ZBTB11: variants seen among roughly 807,000 people sequenced by gnomAD.
ZBTB11 encodes zinc finger and BTB domain containing 11, also known as zinc finger and BTB domain-containing protein 11.
Under a neutral mutation model 113.1 loss-of-function variants are expected in ZBTB11, and 68 were observed. The observed-to-expected ratio is 0.60, with a 90% CI of 0.49 to 0.74. The LOEUF is 0.74. Ranked by LOEUF, ZBTB11 falls within the 30% of genes least tolerant of loss-of-function variation. The pLI is 0.00. For missense variants in ZBTB11, 1,104 were observed against 1,279.4 expected, an observed-to-expected ratio of 0.86 and a Z score of 2.09; for synonymous variants, 518 against 452.6, an observed-to-expected ratio of 1.14 and a Z score of -1.83.
At chr3:101,668,073 G>A (rs1299318828) in intron 3 of ZBTB11, among the ~76,000 whole-genome samples, 5 of 151,690 alleles carry the variant, frequency 3.3e-5, no homozygotes, top group Non-Finnish European at 4.4e-5. Flanking sequence ...TAAACCTGGA[G>A]GACATCATGC....
chr3:101,668,111 T>A (rs973872087), intron 3 of ZBTB11, among the ~76,000 whole-genome samples: 1 of 148,782 alleles, frequency 6.7e-6, no homozygotes, highest in African/African-American at 2.5e-5. Flanking sequence ...GAAAGATAAA[T>A]ACCAAATGTC....
rs867803612 is a variant in ZBTB11, at chr3:101,676,668, C to G, written c.247G>C (p.Gly83Arg). Residue 83 changes from glycine (G) to arginine (R), a missense_variant, in exon 1 of 11, where the codon GGC becomes CGC. Physicochemically the swap from Gly to Arg is moderately radical, Grantham distance 125. Coordinates refer to ENST00000312938, the MANE Select transcript of ZBTB11 (RefSeq NM_014415.4). ...DLIEAAHLGP[G>R]GTHHTRHQTW... ...TGATGCCGGGTGTGGTGAGTGCCGC[C>G]GGGACCCAGGTGCGCCGCCTCGATG... is the stretch of plus-strand genomic sequence containing the variant. 1 of 1,590,170 alleles carries G rather than the reference C, an allele frequency of 6.3e-7. No individual in the cohort carries two copies. The highest frequency in any genetic ancestry group is 1.3e-5 in the African/African-American group (1 of 74,370).
intron 6 of ZBTB11, among the ~76,000 whole-genome samples, chr3:101,659,001 G>A (rs905047901): frequency 2.6e-5 from 4 of 152,198 alleles, no homozygotes; most frequent in African/African-American, 9.6e-5. Context: ...TACTTTGGGA[G>A]CCTGACGTAG....
At chr3:101,656,877 T>A (rs574370238) in intron 6 of ZBTB11, among the ~76,000 whole-genome samples, 1 of 152,124 alleles carries the variant, frequency 6.6e-6, no homozygotes, top group East Asian at 1.9e-4. Context: ...TTCATGCTGG[T>A]AATCCCAGCA....
At position 101,676,754 on chromosome 3, in the gene ZBTB11, C is replaced by T. The variant is rs1364270379; in HGVS notation, c.161G>A (p.Arg54Gln). 1.2e-6 allele frequency: 2 copies of T among 1,607,166 alleles called. No homozygotes were observed. The highest frequency in any genetic ancestry group is 1.3e-5 in the African/African-American group (1 of 74,936). The change falls in exon 1 of 11, where the codon CGG (arginine) becomes CAG (glutamine). Residue 54 changes from arginine (R) to glutamine (Q), a missense_variant. Arg to Gln is a conservative substitution (Grantham distance 43, BLOSUM62 1). Transcript: ENST00000312938. Reference protein sequence around the residue: ...GGTLYYQRRQRHRKTFAELEV... With the variant: ...GGTLYYQRRQQHRKTFAELEV... ...CAGCTCCGCGAAGGTCTTGCGGTGC[C>T]GCTGCCGCCGCTGGTAATACAGAGT...
intron 6 of ZBTB11, among the ~76,000 whole-genome samples, 162 bp downstream of exon 6, chr3:101,659,621 C>T (rs2108319044): frequency 6.6e-6 from 1 of 152,282 alleles, no homozygotes; most frequent in South Asian, 2.1e-4. Context: ...TTAAAAAACA[C>T]CATAGGGAAT....
rs1303821157 is a variant in ZBTB11, at chr3:101,652,863, C to G, written c.2385G>C (p.Gln795His). The change falls in exon 9 of 11, where the codon CAG (glutamine) becomes CAC (histidine). Residue 795 changes from glutamine to histidine, a missense_variant. Gln to His is a conservative substitution (Grantham distance 24). Around this residue, in one of 5 missense-constraint regions of ZBTB11, gnomAD observed 148 missense variants for 259.3 expected, o/e 0.57. Coordinates refer to ENST00000312938, the MANE Select transcript of ZBTB11 (RefSeq NM_014415.4). ...MNKHLGVKPF[Q>H]CQFCDKCYSW... Reference sequence around the variant, plus strand: ...TATAGCACTTATCACAAAATTGGCACTGGAATGGCTTCACACCAAGATGTT... The same window carrying G: ...TATAGCACTTATCACAAAATTGGCAGTGGAATGGCTTCACACCAAGATGTT... The G allele has an allele frequency of 6.2e-7, 1 of 1,614,096 alleles. No individual in the cohort carries two copies. The highest frequency in any genetic ancestry group is 1.3e-5 in the African/African-American group (1 of 75,042).
intron 5 of ZBTB11, among the ~76,000 whole-genome samples, chr3:101,660,267 G>A (rs192091493): frequency 2.0e-3 from 304 of 152,280 alleles, no homozygotes; most frequent in African/African-American, 7.1e-3. Flanking sequence ...CTTGAAATGG[G>A]TCTTTCAGGA....
chr3:101,664,638 G>A lies in ZBTB11; in HGVS notation c.1700C>T (p.Ala567Val), dbSNP rs1372488154. The A allele has an allele frequency of 1.9e-6, 3 of 1,613,714 alleles. No homozygotes were observed. The highest frequency in any genetic ancestry group is 1.1e-5 in the South Asian group (1 of 91,026). Residue 567 changes from alanine to valine, a missense_variant, in exon 5 of 11, where the codon GCA (alanine) becomes GTA (valine). Transcript: ENST00000312938. ...TCCACATTCCCCACATTTATGAGAT[G>A]CTTCTTCTGTGTTCTCTTTAGCATC... is the stretch of plus-strand genomic sequence containing the variant. ...KRDAKENTEE[A>V]SHKCGECGMV...
In ZBTB11 at chr3:101,648,933, AAATGCAGGGGATT is replaced by A. The variant is rs1258746847; in HGVS notation, c.*2220_*2232del. 6.6e-6 allele frequency: 1 copy of A among 152,248 alleles called. No homozygotes were observed. The highest frequency in any genetic ancestry group is 2.4e-5 in the African/African-American group (1 of 41,454). The allele number at this position is 152,248 out of a possible 1,614,324, so 9.4% of individuals were successfully genotyped here. A position where few individuals can be genotyped will look rare whatever the true frequency, so the allele number is the denominator to read the frequency against. Reference sequence around the variant, plus strand: ...TCACATGGACAAATTGAAGGATGGTAAATGCAGGGGATTTTATTGCTGGATAAAGGTGGCTCTC... The same window carrying A: ...TCACATGGACAAATTGAAGGATGGTATTATTGCTGGATAAAGGTGGCTCTC... On this transcript the variant is annotated 3_prime_UTR_variant, in exon 11 of 11. Coordinates refer to ENST00000312938, the MANE Select transcript of ZBTB11 (RefSeq NM_014415.4).
At chr3:101,654,842 CCT>C in intron 7 of ZBTB11, 21 bp from the exon 8 acceptor site, 1 of 1,591,478 alleles carries the variant, frequency 6.3e-7, no homozygotes, top group South Asian at 1.1e-5. Flanking sequence ...AAATTAAAAC[CCT>C]GTCACATATC....
chr3:101,666,512 G>T (rs1175688572), intron 3 of ZBTB11, among the ~76,000 whole-genome samples: 4 of 151,606 alleles, frequency 2.6e-5, no homozygotes, highest in African/African-American at 9.7e-5. Flanking sequence ...TCTAAGGAAT[G>T]AAATAATTAC....
Position 101,651,044 on chromosome 3 carries a change from A to G in ZBTB11, c.*122T>C. The G allele has an allele frequency of 4.2e-6, 5 of 1,194,180 alleles. No individual in the cohort carries two copies. In the South Asian group the frequency reaches 6.8e-5, roughly 16 times the overall value. The allele number at this position is 1,194,180 out of a possible 1,614,324, so 74.0% of individuals were successfully genotyped here. On this transcript the variant is annotated 3_prime_UTR_variant, in exon 11 of 11. Transcript: ENST00000312938. ...ACAAAATGTTTGGAAACGTTACGTT[A>G]CCAAACAGCCCAGAACTTTGATATG... is the stretch of plus-strand genomic sequence containing the variant.
Position 101,660,047 on chromosome 3 carries a change from T to A in ZBTB11, c.1801-19A>T. 6.2e-7 allele frequency: 1 copy of A among 1,603,234 alleles called. No homozygotes were observed. Among genetic ancestry groups the A allele is most frequent in the Non-Finnish European group, 8.5e-7 (1 of 1,172,540 alleles). ...TACACAACTAAAAGAAAAATAAAAT[T>A]CTCTCTAAATGTATTTCCATTACAA... On this transcript the variant is annotated intron_variant, in intron 5 of 10. Coordinates refer to ENST00000312938, the MANE Select transcript of ZBTB11 (RefSeq NM_014415.4).
intron 3 of ZBTB11, among the ~76,000 whole-genome samples, chr3:101,669,960 C>A (rs879588158): frequency 1.3e-5 from 2 of 151,980 alleles, no homozygotes. Flanking sequence ...TCCCGAGTAG[C>A]TGGGATTACA....
intron 6 of ZBTB11, among the ~76,000 whole-genome samples, chr3:101,658,929 A>T (rs889117059): frequency 6.6e-6 from 1 of 152,210 alleles, no homozygotes; most frequent in African/African-American, 2.4e-5. Flanking sequence ...TGGTTCCAAA[A>T]CTGTTTTTTA....
intron 5 of ZBTB11, 34 bp downstream of exon 5, chr3:101,664,504 A>C: frequency 1.3e-6 from 2 of 1,569,782 alleles, no homozygotes; most frequent in Non-Finnish European, 1.7e-6. Flanking sequence ...ATTATGAATT[A>C]GAGTTACCTT....
At chr3:101,651,816 T>C (rs983801227) in intron 10 of ZBTB11, 133 bp from the exon 11 acceptor site, 2 of 962,950 alleles carry the variant, frequency 2.1e-6, no homozygotes, top group Non-Finnish European at 2.9e-6. Context: ...TGGCAATCTT[T>C]TATTTAGGAC....
intron 6 of ZBTB11, among the ~76,000 whole-genome samples, chr3:101,658,318 C>T (rs900071538): frequency 3.9e-5 from 6 of 151,908 alleles, no homozygotes; most frequent in Admixed American, 1.3e-4. Context: ...CTCTGCCTCC[C>T]GGGTTCAAGC....
Sources: gnomAD v4.1 joint callset for allele counts (sites outside exome capture counted in the v4.1 genomes callset) on GRCh38, gnomAD v4.1.1 for gene constraint, gnomAD v4.1.1 regional missense constraint, MANE v1.5 for transcripts, NCBI Gene and HGNC (gene_info 2026-07-23, HGNC 2026-07-21) for gene names.